METTL8: variants seen among roughly 807,000 people sequenced by gnomAD.
The protein encoded by METTL8 is methyltransferase 8, tRNA N3-cytidine.
Under a neutral mutation model 48.7 loss-of-function variants are expected in METTL8, and 32 were observed. The observed-to-expected ratio is 0.66, with a 90% CI of 0.50 to 0.88. METTL8 has a LOEUF of 0.88. METTL8 is among the 40% of genes least tolerant of loss of function. The probability of loss-of-function intolerance (pLI) is 0.00; values close to 1 mark genes in which losing one functional copy is unlikely to be tolerated. For missense variants in METTL8, 464 were observed against 474.4 expected (o/e 0.98, Z 0.20); for synonymous variants, 136 against 157.1 (o/e 0.87, Z 1.01).
chr2:171,375,603 T>C (rs1686881025), intron 2 of METTL8, among the ~76,000 whole-genome samples: 1 of 152,230 alleles, frequency 6.6e-6, no homozygotes, highest in African/African-American at 2.4e-5. Flanking sequence ...TTACCATCTG[T>C]ATATCTTCTT....
At chr2:171,416,049 A>G (rs755880023) in intron 1 of METTL8, among the ~76,000 whole-genome samples, 16 of 152,260 alleles carry the variant, frequency 1.1e-4, no homozygotes, top group Non-Finnish European at 1.8e-4. Context: ...GAAACCTCCT[A>G]TTCATCAACT....
At chr2:171,383,415 A>T (rs1687755829) in intron 2 of METTL8, among the ~76,000 whole-genome samples, 1 of 152,288 alleles carries the variant, frequency 6.6e-6, no homozygotes, top group South Asian at 2.1e-4. Flanking sequence ...ACCCTTGAAT[A>T]AAGAAATAGA....
chr2:171,408,718 A>T (rs1690443320), intron 1 of METTL8, among the ~76,000 whole-genome samples: 1 of 152,172 alleles, frequency 6.6e-6, no homozygotes, highest in Non-Finnish European at 1.5e-5. Context: ...TTGGTTCAGG[A>T]TCTGCCACTT....
In METTL8 at chr2:171,323,676, A is replaced by T. The variant is rs1559036776; in HGVS notation, c.*496T>A. 1 of 152,304 alleles carries T rather than the reference A, an allele frequency of 6.6e-6. No homozygotes were observed. The highest frequency in any genetic ancestry group is 1.5e-5 in the Non-Finnish European group (1 of 68,122). 9.4% of individuals were successfully genotyped at this position (152,304 alleles called of 1,614,324 possible). On this transcript the variant is annotated 3_prime_UTR_variant, in exon 10 of 10. Coordinates refer to ENST00000375258, the MANE Select transcript of METTL8 (RefSeq NM_001321154.2). The stretch of plus-strand genomic sequence containing the variant: ...TCAAAAAAAAATTGGGAGAAAATAG[A>T]CAACAACAAGACAAAAAATAATACA...
rs548677914 is a variant in METTL8, at chr2:171,316,008, C to T, written c.*8164G>A. ...CCTGGGTGTGTTGTGTAGTGTGTGACGTAGTAGGTGAAAAACAGCAAAGAG... is the reference window on the plus strand; with the variant it reads ...CCTGGGTGTGTTGTGTAGTGTGTGATGTAGTAGGTGAAAAACAGCAAAGAG... On this transcript the variant is annotated 3_prime_UTR_variant, in exon 10 of 10. Coordinates refer to ENST00000375258, the MANE Select transcript of METTL8 (RefSeq NM_001321154.2). Among the ~76,000 whole-genome samples the T allele has an allele frequency of 6.6e-6, 1 of 152,086 alleles. No homozygotes were observed. The highest frequency in any genetic ancestry group is 2.4e-5 in the African/African-American group (1 of 41,414).
chr2:171,392,002 T>A, intron 2 of METTL8, 41 bp downstream of exon 2: 1 of 1,519,598 alleles, frequency 6.6e-7, no homozygotes, highest in South Asian at 1.3e-5. Context: ...TGGTGATATT[T>A]AAGAAACACA....
Position 171,324,369 on chromosome 2 carries a change from G to A in METTL8, c.1034-7C>T. The A allele has an allele frequency of 6.5e-7, 1 of 1,549,700 alleles. No individual in the cohort carries two copies. The highest frequency in any genetic ancestry group is 8.7e-7 in the Non-Finnish European group (1 of 1,146,296). On this transcript the variant is annotated splice_polypyrimidine_tract_variant and splice_region_variant and intron_variant, in intron 9 of 9. Transcript: ENST00000375258. ...AACATACTGTGGACTTCCCCTGTGAGACAAAAATGGCAATAAAAGATATGA... is the reference window on the plus strand; with the variant it reads ...AACATACTGTGGACTTCCCCTGTGAAACAAAAATGGCAATAAAAGATATGA...
intron 1 of METTL8, among the ~76,000 whole-genome samples, chr2:171,406,104 G>C (rs183897229): frequency 6.6e-6 from 1 of 152,298 alleles, no homozygotes; most frequent in Non-Finnish European, 1.5e-5. Flanking sequence ...TGAGAGGCCA[G>C]AGTGGACATG....
At position 171,389,015 on chromosome 2, in the gene METTL8, A is replaced by G. The variant is rs566294012; in HGVS notation, c.143+3028T>C. ...TTCCCCTACTCCCTGAGACAAAACAATAATGAAATGAGGCCAGTTGATTAC... is the reference window on the plus strand; with the variant it reads ...TTCCCCTACTCCCTGAGACAAAACAGTAATGAAATGAGGCCAGTTGATTAC... On this transcript the variant is annotated intron_variant, in intron 2 of 9. Coordinates refer to ENST00000375258, the MANE Select transcript of METTL8 (RefSeq NM_001321154.2). Among the ~76,000 whole-genome samples the G allele has an allele frequency of 4.5e-4, 68 of 152,282 alleles. 1 individual carries two copies. Among genetic ancestry groups the G allele is most frequent in the African/African-American group, 1.6e-3 (66 of 41,562 alleles).
At chr2:171,413,479 T>C (rs1206855470) in intron 1 of METTL8, among the ~76,000 whole-genome samples, 1 of 152,214 alleles carries the variant, frequency 6.6e-6, no homozygotes, top group Non-Finnish European at 1.5e-5. Context: ...TGGAAAATAT[T>C]TTTTATAAAA....
intron 3 of METTL8, among the ~76,000 whole-genome samples, chr2:171,346,322 C>T (rs1432196297): frequency 2.0e-5 from 3 of 152,290 alleles, no homozygotes; most frequent in South Asian, 2.1e-4. Flanking sequence ...CCACCACATC[C>T]GGTCCCAGAT....
intron 3 of METTL8, among the ~76,000 whole-genome samples, chr2:171,355,209 T>C (rs1012134360): frequency 5.3e-5 from 8 of 152,314 alleles, no homozygotes; most frequent in African/African-American, 1.7e-4. Flanking sequence ...CAGCTGCAGG[T>C]CTGTTGGAAT....
chr2:171,378,326 A>G (rs1483658013), intron 2 of METTL8, among the ~76,000 whole-genome samples: 1 of 152,228 alleles, frequency 6.6e-6, no homozygotes, highest in African/African-American at 2.4e-5. Flanking sequence ...AACAAAGATC[A>G]AAAAAGACAA....
intron 2 of METTL8, among the ~76,000 whole-genome samples, chr2:171,391,062 T>C (rs1688536307): frequency 6.6e-6 from 1 of 152,160 alleles, no homozygotes; most frequent in African/African-American, 2.4e-5. Context: ...GCAAACTCCA[T>C]TGTTGTCTTA....
intron 1 of METTL8, among the ~76,000 whole-genome samples, chr2:171,409,764 T>C (rs1375221606): frequency 1.3e-5 from 2 of 152,194 alleles, no homozygotes; most frequent in African/African-American, 4.8e-5. Context: ...TGGAGGCATC[T>C]GGGCTAGGAA....
At chr2:171,433,280 G>C (rs971956482) in intron 1 of METTL8, 1 of 150,544 alleles carries the variant, frequency 6.6e-6, no homozygotes, top group Non-Finnish European at 1.5e-5. Context: ...CAGTAGCCCC[G>C]GTAGGAAATT....
intron 2 of METTL8, among the ~76,000 whole-genome samples, chr2:171,369,898 T>C (rs925653469): frequency 6.6e-6 from 1 of 151,982 alleles, no homozygotes; most frequent in African/African-American, 2.4e-5. Flanking sequence ...AAACCCCGTC[T>C]CTACTAAAAA....
chr2:171,397,183 G>T (rs1689151900), intron 1 of METTL8, among the ~76,000 whole-genome samples: 1 of 151,014 alleles, frequency 6.6e-6, no homozygotes, highest in African/African-American at 2.4e-5. Context: ...TAAGTAGAAA[G>T]AAGGAAATAA....
At chr2:171,434,447 G>C, upstream of METTL8, 6 of 1,479,670 alleles carry the variant, frequency 4.1e-6, no homozygotes, top group Non-Finnish European at 5.4e-6. Context: ...GCCTCCCCGT[G>C]TCAGCTTTCC....
Sources: allele counts gnomAD v4.1 joint callset (sites outside exome capture counted in the v4.1 genomes callset), GRCh38; gene constraint gnomAD v4.1.1; transcripts MANE v1.5; gene names NCBI Gene and HGNC (gene_info 2026-07-23, HGNC 2026-07-21).